RTF1: variants seen among roughly 807,000 people sequenced by gnomAD.
The protein encoded by RTF1 is RTF1 homolog, Paf1/RNA polymerase II complex component, also known as RNA polymerase-associated protein RTF1 homolog.
In RTF1, 10 loss-of-function variants were observed where a neutral mutation model predicts 95.7. That is an observed-to-expected ratio of 0.10 (90% CI 0.06 to 0.18). RTF1 has a LOEUF of 0.18. RTF1 is among the 10% of genes least tolerant of loss of function. The pLI is 1.00. For synonymous variants in RTF1, 305 were observed against 311.8 expected, an observed-to-expected ratio of 0.98 and a Z score of 0.23; for missense variants, 458 against 875.6, an observed-to-expected ratio of 0.52 and a Z score of 6.02.
chr15:41,477,895 CAGG>C (rs1314218166), intron 14 of RTF1, among the ~76,000 whole-genome samples: 1 of 151,688 alleles, frequency 6.6e-6, no homozygotes, highest in Non-Finnish European at 1.5e-5. Context: ...CACCTGGGGT[CAGG>C]AGTTTGAAAC....
At chr15:41,456,808 G>T (rs2050819927) in intron 3 of RTF1, among the ~76,000 whole-genome samples, 1 of 148,728 alleles carries the variant, frequency 6.7e-6, no homozygotes, top group Admixed American at 6.7e-5. Flanking sequence ...TAAATAGGCC[G>T]AGCATGGTGG....
At chr15:41,446,341 C>T (rs2050762254) in intron 2 of RTF1, among the ~76,000 whole-genome samples, 1 of 151,940 alleles carries the variant, frequency 6.6e-6, no homozygotes, top group African/African-American at 2.4e-5. Flanking sequence ...GAGGTTGAGG[C>T]GGGCGGATCA....
chr15:41,455,367 C>A (rs542910542), intron 3 of RTF1, among the ~76,000 whole-genome samples: 1 of 150,764 alleles, frequency 6.6e-6, no homozygotes, highest in Non-Finnish European at 1.5e-5. Flanking sequence ...AGCCACAAAA[C>A]GGAATGAAAT....
intron 1 of RTF1, among the ~76,000 whole-genome samples, chr15:41,437,996 T>C (rs1387359927): frequency 6.6e-6 from 1 of 152,232 alleles, no homozygotes; most frequent in East Asian, 1.9e-4. Context: ...ACATGTTTCT[T>C]ACCAGTCCCA....
chr15:41,422,023 ATTTGTTTG>A (rs113012162), intron 1 of RTF1, among the ~76,000 whole-genome samples: 13 of 151,804 alleles, frequency 8.6e-5, no homozygotes, highest in African/African-American at 2.9e-4. Flanking sequence ...TTATTTATTT[ATTTGTTTG>A]TTTGTTTATT....
At chr15:41,421,502 G>T (rs1474916856) in intron 1 of RTF1, among the ~76,000 whole-genome samples, 1 of 151,516 alleles carries the variant, frequency 6.6e-6, no homozygotes, top group African/African-American at 2.4e-5. Context: ...GCATGGTGGC[G>T]TGCCTCTAGT....
intron 1 of RTF1, among the ~76,000 whole-genome samples, chr15:41,426,312 ATT>A (rs540070805): frequency 1.4e-5 from 2 of 143,024 alleles, no homozygotes; most frequent in Non-Finnish European, 1.5e-5. Context: ...GTTTGTTTTT[ATT>A]TTTTTTTTTG....
chr15:41,425,204 C>G (rs2140944917), intron 1 of RTF1, among the ~76,000 whole-genome samples: 1 of 152,180 alleles, frequency 6.6e-6, no homozygotes, highest in East Asian at 1.9e-4. Flanking sequence ...CGGGTTCATA[C>G]CATTCTCCTG....
At chr15:41,474,218 GT>G (rs1395508078) in intron 8 of RTF1, among the ~76,000 whole-genome samples, 4 of 152,124 alleles carry the variant, frequency 2.6e-5, no homozygotes, top group Non-Finnish European at 4.4e-5. Flanking sequence ...TGGTTTTTAT[GT>G]GTGTTATCCC....
chr15:41,442,504 T>C (rs1265382382), intron 2 of RTF1, among the ~76,000 whole-genome samples: 2 of 151,734 alleles, frequency 1.3e-5, no homozygotes, highest in South Asian at 4.2e-4. Context: ...AAACACATAC[T>C]GAAGTAGTTT....
chr15:41,418,661 T>G (rs1336149520), intron 1 of RTF1, among the ~76,000 whole-genome samples: 1 of 151,752 alleles, frequency 6.6e-6, no homozygotes. Flanking sequence ...AAATACAAAA[T>G]TAGCGGGGCG....
chr15:41,477,108 G>T, intron 12 of RTF1, 57 bp from the exon 13 acceptor site: 1 of 1,611,076 alleles, frequency 6.2e-7, no homozygotes, highest in South Asian at 1.1e-5. Flanking sequence ...GGGGATACTT[G>T]ATATGGAGTC....
intron 4 of RTF1, among the ~76,000 whole-genome samples, chr15:41,462,063 T>C (rs568687814): frequency 6.6e-5 from 10 of 152,126 alleles, no homozygotes; most frequent in African/African-American, 2.4e-4. Flanking sequence ...CTTCAGTGAC[T>C]TTTTTTAGTG....
chr15:41,466,143 A>G lies in RTF1; in HGVS notation c.780A>G (p.Val260=), dbSNP rs1465623454. Residue 260 remains valine, a splice_region_variant and synonymous_variant, in exon 6 of 18, where the codon GTA becomes GTG. Coordinates refer to ENST00000389629, the MANE Select transcript of RTF1 (RefSeq NM_015138.5). ...TCTATATATCCTTCCCTTCCTAGGT[A>G]ACATCCCACAACAAGGAACGGCGTT... ...KKLTQIQESQ[V]TSHNKERRSK... 6.4e-7 allele frequency: 1 copy of G among 1,563,900 alleles called. No individual in the cohort carries two copies. The highest frequency in any genetic ancestry group is 8.6e-7 in the Non-Finnish European group (1 of 1,157,278).
chr15:41,432,195 TC>T (rs1379815491), intron 1 of RTF1, among the ~76,000 whole-genome samples: 2 of 149,878 alleles, frequency 1.3e-5, no homozygotes, highest in Non-Finnish European at 3.0e-5. Context: ...TGTTAGGTTT[TC>T]TTTTTTTTTT....
At position 41,463,360 on chromosome 15, in the gene RTF1, G is replaced by T. The variant is rs576932701; in HGVS notation, c.663-1411G>T. ...TACTGGAAAGTAGAATTGCTGGCTG[G>T]TACGGTAACTCTTTCTAACTTTTTG... On this transcript the variant is annotated intron_variant, in intron 4 of 17. Transcript: ENST00000389629. Among the ~76,000 whole-genome samples, 11 of 152,266 alleles carry T rather than the reference G, an allele frequency of 7.2e-5. 1 individual carries two copies. In the South Asian group the frequency reaches 2.3e-3, roughly 32 times the overall value.
intron 1 of RTF1, among the ~76,000 whole-genome samples, chr15:41,437,758 G>A (rs1054401792): frequency 6.6e-6 from 1 of 152,172 alleles, no homozygotes; most frequent in African/African-American, 2.4e-5. Flanking sequence ...TGAATTGGGA[G>A]AATAGGGCTT....
intron 2 of RTF1, among the ~76,000 whole-genome samples, chr15:41,450,660 A>G (rs1224701578): frequency 3.3e-5 from 5 of 151,926 alleles, no homozygotes; most frequent in Non-Finnish European, 1.5e-5. Flanking sequence ...TTAAAAGGGA[A>G]GCATTAGGGC....
At chr15:41,469,808 A>G (rs1020288546) in intron 6 of RTF1, among the ~76,000 whole-genome samples, 1 of 152,146 alleles carries the variant, frequency 6.6e-6, no homozygotes, top group African/African-American at 2.4e-5. Flanking sequence ...TACAGGCGTA[A>G]GCCACCGCAC....
Sources: allele counts gnomAD v4.1 joint callset (sites outside exome capture counted in the v4.1 genomes callset), GRCh38; gene constraint gnomAD v4.1.1; transcripts MANE v1.5; gene names NCBI Gene and HGNC (gene_info 2026-07-23, HGNC 2026-07-21).